The following SLC9A9 variants were observed in gnomAD, a reference collection of about 807,000 sequenced individuals.
The protein encoded by SLC9A9 is sodium/hydrogen exchanger 9.
Under a neutral mutation model 77.8 loss-of-function variants are expected in SLC9A9, and 62 were observed. The ratio of observed to expected loss-of-function variants is 0.80; its 90% CI spans 0.65 to 0.98. The LOEUF (loss-of-function observed/expected upper bound fraction) is 0.98, where lower values mean the gene tolerates loss of function less well. Ranked by LOEUF, SLC9A9 falls within the 50% of genes least tolerant of loss-of-function variation. The pLI, the probability that SLC9A9 is intolerant of heterozygous loss-of-function variation, is 0.00. For synonymous variants in SLC9A9, 320 were observed against 283.5 expected, an observed-to-expected ratio of 1.13 and a Z score of -1.29; for missense variants, 775 against 774.9, an observed-to-expected ratio of 1.00 and a Z score of 0.00.
chr3:143,775,840 T>C (rs1449911621), intron 4 of SLC9A9, among the ~76,000 whole-genome samples: 6 of 152,222 alleles, frequency 3.9e-5, no homozygotes, highest in Non-Finnish European at 7.3e-5. Context: ...AGTTCCAACT[T>C]TTCTTTCCAA....
chr3:143,629,429 C>T (rs577523930), intron 6 of SLC9A9, among the ~76,000 whole-genome samples: 19 of 152,186 alleles, frequency 1.2e-4, no homozygotes, highest in South Asian at 6.2e-4. Flanking sequence ...ATATGTGCTA[C>T]GATTGGGGCA....
chr3:143,352,093 T>G (rs2032469790), intron 14 of SLC9A9, among the ~76,000 whole-genome samples: 1 of 152,200 alleles, frequency 6.6e-6, no homozygotes, highest in Admixed American at 6.5e-5. Flanking sequence ...ACAGTCAGCC[T>G]TGGTCAGCCA....
At chr3:143,447,839 A>C (rs1043408025) in intron 12 of SLC9A9, among the ~76,000 whole-genome samples, 1 of 152,212 alleles carries the variant, frequency 6.6e-6, no homozygotes, top group Non-Finnish European at 1.5e-5. Context: ...CTATGACAAC[A>C]CATCATAGGG....
chr3:143,806,539 T>A (rs111389934), intron 2 of SLC9A9, among the ~76,000 whole-genome samples: 12 of 152,010 alleles, frequency 7.9e-5, no homozygotes, highest in African/African-American at 2.9e-4. Flanking sequence ...CTTTTGAGAG[T>A]CAAATGTATT....
At chr3:143,553,596 G>T (rs1176185905) in intron 8 of SLC9A9, among the ~76,000 whole-genome samples, 1 of 152,134 alleles carries the variant, frequency 6.6e-6, no homozygotes, top group Non-Finnish European at 1.5e-5. Context: ...AAAAAAATAT[G>T]TAGACTATAT....
chr3:143,607,622 TG>T (rs2037949720), intron 6 of SLC9A9, among the ~76,000 whole-genome samples: 1 of 151,942 alleles, frequency 6.6e-6, no homozygotes, highest in Non-Finnish European at 1.5e-5. Flanking sequence ...TTAAGGATAA[TG>T]ACTAAAATAA....
chr3:143,366,544 T>C (rs1015275430), intron 13 of SLC9A9, among the ~76,000 whole-genome samples: 1 of 152,188 alleles, frequency 6.6e-6, no homozygotes, highest in African/African-American at 2.4e-5. Flanking sequence ...GTAAAATGAA[T>C]TGAGGAAATT....
intron 13 of SLC9A9, among the ~76,000 whole-genome samples, chr3:143,377,240 C>CTTTT (rs935830084): frequency 1.3e-5 from 2 of 152,212 alleles, no homozygotes; most frequent in Admixed American, 1.3e-4. Context: ...AGAACAAATA[C>CTTTT]TTTTATTATT....
intron 9 of SLC9A9, among the ~76,000 whole-genome samples, chr3:143,524,664 A>G (rs969701461): frequency 6.6e-6 from 1 of 152,188 alleles, no homozygotes; most frequent in Non-Finnish European, 1.5e-5. Context: ...AAGAGTATAC[A>G]TCTCTATCAA....
rs1269828654 is a variant in SLC9A9, at chr3:143,582,691, T to C, written c.756-3968A>G. On this transcript the variant is annotated intron_variant, in intron 6 of 15. Coordinates refer to ENST00000316549, the MANE Select transcript of SLC9A9 (RefSeq NM_173653.4). ...GTATTTCATGCAGCTCTTGGCTCAGTGGATCAAGGAGGGAAGGAGTGCCCT... is the reference window on the plus strand; with the variant it reads ...GTATTTCATGCAGCTCTTGGCTCAGCGGATCAAGGAGGGAAGGAGTGCCCT... Among the ~76,000 whole-genome samples, 3 of 152,108 alleles carry C rather than the reference T, an allele frequency of 2.0e-5. No homozygotes were observed. The East Asian group carries it at 5.8e-4, about 29-fold the overall frequency.
intron 5 of SLC9A9, among the ~76,000 whole-genome samples, chr3:143,662,533 G>A (rs958159560): frequency 2.0e-5 from 3 of 152,130 alleles, no homozygotes; most frequent in African/African-American, 4.8e-5. Context: ...AGGGGTCAGG[G>A]AATTCCCTTT....
chr3:143,533,787 T>C (rs1467942781), intron 9 of SLC9A9, among the ~76,000 whole-genome samples: 2 of 152,180 alleles, frequency 1.3e-5, no homozygotes, highest in African/African-American at 4.8e-5. Flanking sequence ...TCTTTGTTAA[T>C]GAGGGGAACA....
chr3:143,330,229 A>G (rs559020916), intron 14 of SLC9A9, among the ~76,000 whole-genome samples: 3 of 152,270 alleles, frequency 2.0e-5, no homozygotes, highest in South Asian at 4.1e-4. Context: ...ATCTTTATAT[A>G]TTGGAAGCCA....
At chr3:143,726,519 C>T (rs1247613635) in intron 4 of SLC9A9, among the ~76,000 whole-genome samples, 3 of 152,074 alleles carry the variant, frequency 2.0e-5, no homozygotes, top group Admixed American at 1.3e-4. Flanking sequence ...CACAGATTAC[C>T]TTTTTTGTCT....
chr3:143,727,227 G>A (rs909510442), intron 4 of SLC9A9, among the ~76,000 whole-genome samples: 2 of 152,030 alleles, frequency 1.3e-5, no homozygotes, highest in Non-Finnish European at 2.9e-5. Flanking sequence ...TCTGAGATGA[G>A]ACAACCATTG....
At position 143,535,930 on chromosome 3, in the gene SLC9A9, TGA is replaced by T. The variant is rs2036582897; in HGVS notation, c.1089+16430_1089+16431del. Among the ~76,000 whole-genome samples, 5 of 152,322 alleles carry T rather than the reference TGA, an allele frequency of 3.3e-5. No individual in the cohort carries two copies. In the South Asian group the frequency reaches 1.0e-3, roughly 32 times the overall value. On this transcript the variant is annotated intron_variant, in intron 9 of 15. Transcript: ENST00000316549. ...AGAGAATGCTAATTAGAAACACAGC[TGA>T]TGAGATTTCATTACAGTCTCTTAAA... is the stretch of plus-strand genomic sequence containing the variant.
intron 2 of SLC9A9, among the ~76,000 whole-genome samples, chr3:143,805,205 T>A (rs997397381): frequency 1.3e-5 from 2 of 152,122 alleles, no homozygotes; most frequent in Non-Finnish European, 2.9e-5. Flanking sequence ...AGTTTCTCAA[T>A]TCATCCAAAA....
At chr3:143,802,089 G>A (rs189139612) in intron 2 of SLC9A9, among the ~76,000 whole-genome samples, 1 of 152,082 alleles carries the variant, frequency 6.6e-6, no homozygotes, top group African/African-American at 2.4e-5. Context: ...TGTCCCTCAC[G>A]GCCAGTTTTT....
At chr3:143,429,946 A>G (rs984337382) in intron 12 of SLC9A9, among the ~76,000 whole-genome samples, 1 of 152,180 alleles carries the variant, frequency 6.6e-6, no homozygotes. Flanking sequence ...AAGAAACTGA[A>G]GCCCAAAAGA....
Sources: gnomAD v4.1 joint callset for allele counts (sites outside exome capture counted in the v4.1 genomes callset) on GRCh38, gnomAD v4.1.1 for gene constraint, MANE v1.5 for transcripts, NCBI Gene and HGNC (gene_info 2026-07-23, HGNC 2026-07-21) for gene names.